RANBP2: variants seen among roughly 807,000 people sequenced by gnomAD.
RANBP2 encodes E3 SUMO-protein ligase RanBP2.
In RANBP2, 57 loss-of-function variants were observed where a neutral mutation model predicts 303.6. That is an observed-to-expected ratio of 0.19 (90% CI 0.15 to 0.23). RANBP2 has a LOEUF of 0.23. RANBP2 is among the 10% of genes least tolerant of loss of function. RANBP2 has a pLI of 1.00. For synonymous variants in RANBP2, 1,167 were observed against 1,301.5 expected (o/e 0.90, Z 2.23); for missense variants, 3,138 against 3,780.8 (o/e 0.83, Z 4.46).
the RANBP2 span, among the ~76,000 whole-genome samples, chr2:109,139,111 A>G: frequency 6.6e-6 from 1 of 152,224 alleles, no homozygotes; most frequent in Non-Finnish European, 1.5e-5. Flanking sequence ...TTTTATGGAT[A>G]AGCCACTGGA....
the RANBP2 span, chr2:108,876,356 A>G: frequency 1.6e-6 from 1 of 615,064 alleles, no homozygotes; most frequent in Non-Finnish European, 2.7e-6. Context: ...CAGTAGCATC[A>G]TTTATCATGA....
At chr2:109,216,407 G>C in the RANBP2 span, among the ~76,000 whole-genome samples, 1 of 152,240 alleles carries the variant, frequency 6.6e-6, no homozygotes, top group Admixed American at 6.5e-5. Flanking sequence ...AAAACGGTGA[G>C]ATCCACTTTG....
At chr2:109,563,099 CG>C in the RANBP2 span, among the ~76,000 whole-genome samples, 3 of 152,042 alleles carry the variant, frequency 2.0e-5, no homozygotes, top group Non-Finnish European at 4.4e-5. Flanking sequence ...TTAGTAAAGA[CG>C]GGGTTTCACC....
the RANBP2 span, among the ~76,000 whole-genome samples, chr2:108,799,456 C>T: frequency 6.6e-6 from 1 of 152,178 alleles, no homozygotes; most frequent in Non-Finnish European, 1.5e-5. Context: ...TGTAGCTATC[C>T]CTTTCCTCCA....
At chr2:109,129,522 C>T in the RANBP2 span, 3 of 1,496,274 alleles carry the variant, frequency 2.0e-6, no homozygotes, top group East Asian at 2.8e-5. Context: ...CGCGCGAGAC[C>T]GCTGCGGGCG....
chr2:108,792,749 A>C, the RANBP2 span, among the ~76,000 whole-genome samples: 1 of 152,220 alleles, frequency 6.6e-6, no homozygotes, highest in Non-Finnish European at 1.5e-5. Context: ...TGGGGCTTCC[A>C]TGAGTCTAGT....
chr2:108,992,313 A>C, the RANBP2 span, among the ~76,000 whole-genome samples: 1 of 152,182 alleles, frequency 6.6e-6, no homozygotes, highest in South Asian at 2.1e-4. Context: ...TGGCCTCAAG[A>C]AGCTTATGCT....
chr2:108,778,794 A>C (rs935375066), intron 25 of RANBP2, among the ~76,000 whole-genome samples: 1 of 149,012 alleles, frequency 6.7e-6, no homozygotes, highest in African/African-American at 2.5e-5. Context: ...TGGCATGAAC[A>C]CAGCTCACTG....
chr2:109,669,242 G>A, the RANBP2 span, among the ~76,000 whole-genome samples: 1 of 152,160 alleles, frequency 6.6e-6, no homozygotes, highest in African/African-American at 2.4e-5. Flanking sequence ...AAACATTGTG[G>A]AAACACTCCA....
the RANBP2 span, chr2:109,129,323 G>A: frequency 5.5e-6 from 4 of 726,932 alleles, no homozygotes; most frequent in Admixed American, 2.5e-5. Context: ...GGGCGGGCTC[G>A]GCTGGCCGGT....
intron 6 of RANBP2, among the ~76,000 whole-genome samples, chr2:108,737,301 T>G (rs537251982): frequency 1.3e-5 from 2 of 151,716 alleles, no homozygotes; most frequent in Non-Finnish European, 2.9e-5. Flanking sequence ...TCGAAGATCT[T>G]TGTATGTGGG....
intron 8 of RANBP2, among the ~76,000 whole-genome samples, chr2:108,747,456 AGTT>A: frequency 6.6e-6 from 1 of 152,368 alleles, no homozygotes. Flanking sequence ...ATTAAATCAA[AGTT>A]ATTATAAGCT....
chr2:108,991,229 A>C, the RANBP2 span, among the ~76,000 whole-genome samples: 4 of 152,260 alleles, frequency 2.6e-5, no homozygotes, highest in East Asian at 7.7e-4. Context: ...TATCCAAATG[A>C]AAATGAGTAT....
chr2:109,199,612 T>TCGTTCC, the RANBP2 span, among the ~76,000 whole-genome samples: 3 of 336 alleles, frequency 8.9e-3, no homozygotes, highest in Non-Finnish European at 0.014. Context: ...TGGAATGGAA[T>TCGTTCC]GGAATGGAAT....
chr2:109,409,694 C>T, the RANBP2 span, among the ~76,000 whole-genome samples: 1 of 152,088 alleles, frequency 6.6e-6, no homozygotes, highest in Non-Finnish European at 1.5e-5. Flanking sequence ...CCACTGCCCT[C>T]CCCGAGAGGG....
chr2:109,012,711 G>A, the RANBP2 span, among the ~76,000 whole-genome samples: 43 of 152,140 alleles, frequency 2.8e-4, no homozygotes, highest in African/African-American at 8.9e-4. Context: ...TCAGGAGATC[G>A]AGACCATCCT....
the RANBP2 span, among the ~76,000 whole-genome samples, chr2:109,684,534 C>T: frequency 9.3e-5 from 11 of 118,878 alleles, no homozygotes; most frequent in African/African-American, 2.9e-4. Flanking sequence ...CCACTGCACC[C>T]GGGCTTTTTT....
the RANBP2 span, among the ~76,000 whole-genome samples, chr2:109,352,129 T>C: frequency 6.6e-6 from 1 of 152,198 alleles, no homozygotes; most frequent in African/African-American, 2.4e-5. Flanking sequence ...ATGGAGTTGA[T>C]ATTAGGATTA....
intron 1 of RANBP2, among the ~76,000 whole-genome samples, chr2:108,727,666 C>T (rs1257867825): frequency 1.7e-4 from 24 of 141,782 alleles, no homozygotes; most frequent in Non-Finnish European, 2.8e-4. Flanking sequence ...TGCAGTGGTG[C>T]GATCTTGGCC....
Sources: allele counts gnomAD v4.1 joint callset (sites outside exome capture counted in the v4.1 genomes callset), GRCh38; gene constraint gnomAD v4.1.1; transcripts MANE v1.5; gene names NCBI Gene and HGNC (gene_info 2026-07-23, HGNC 2026-07-21).